The following UNC5C variants were observed in gnomAD, a reference collection of about 807,000 sequenced individuals.
The protein encoded by UNC5C is unc-5 netrin receptor C.
A neutral mutation model predicts 99.8 loss-of-function variants in UNC5C; 47 were observed. The observed-to-expected ratio is 0.47, with a 90% confidence interval of 0.37 to 0.60. The LOEUF is 0.60. UNC5C is among the 20% of genes least tolerant of loss of function. The probability of loss-of-function intolerance (pLI) is 0.00; values close to 1 mark genes in which losing one functional copy is unlikely to be tolerated. For synonymous variants in UNC5C, 487 were observed against 452.2 expected, an observed-to-expected ratio of 1.08 and a Z score of -0.98; for missense variants, 1,062 against 1,165.9, an observed-to-expected ratio of 0.91 and a Z score of 1.30.
intron 1 of UNC5C, among the ~76,000 whole-genome samples, chr4:95,479,447 T>G (rs565638452): frequency 2.0e-5 from 3 of 151,932 alleles, no homozygotes; most frequent in Non-Finnish European, 4.4e-5. Flanking sequence ...GCACCCAGGA[T>G]TGAGATCTTG....
At chr4:95,329,834 T>C (rs1413870102) in intron 2 of UNC5C, among the ~76,000 whole-genome samples, 3 of 152,154 alleles carry the variant, frequency 2.0e-5, no homozygotes, top group African/African-American at 7.2e-5. Context: ...GACTTATAGA[T>C]TGTGTGTCTT....
At chr4:95,346,598 T>G (rs2149426660) in intron 1 of UNC5C, among the ~76,000 whole-genome samples, 1 of 152,126 alleles carries the variant, frequency 6.6e-6, no homozygotes, top group South Asian at 2.1e-4. Flanking sequence ...CCCAGTGGGA[T>G]TTATCCCAGG....
intron 1 of UNC5C, among the ~76,000 whole-genome samples, chr4:95,513,078 G>A (rs758418762): frequency 9.2e-5 from 14 of 152,138 alleles, no homozygotes; most frequent in Admixed American, 4.6e-4. Context: ...TCTAGGTCTC[G>A]TCATGGTTGC....
chr4:95,218,832 T>G, intron 9 of UNC5C, 137 bp downstream of exon 9: 1 of 801,334 alleles, frequency 1.2e-6, no homozygotes, highest in African/African-American at 1.7e-5. Flanking sequence ...TCTGTTTACA[T>G]TGAAAGTAGA....
intron 4 of UNC5C, among the ~76,000 whole-genome samples, chr4:95,265,376 CCTT>C (rs1740405799): frequency 6.6e-6 from 1 of 152,104 alleles, no homozygotes; most frequent in South Asian, 2.1e-4. Flanking sequence ...CTCACATTGG[CCTT>C]CTCTCTATAA....
chr4:95,304,239 T>C (rs536390031), intron 2 of UNC5C, among the ~76,000 whole-genome samples: 124 of 152,344 alleles, frequency 8.1e-4, no homozygotes, highest in African/African-American at 2.6e-3. Context: ...CAAAATTATT[T>C]CAATGTTTTG....
At chr4:95,195,492 A>C (rs1737342563) in intron 12 of UNC5C, among the ~76,000 whole-genome samples, 2 of 152,206 alleles carry the variant, frequency 1.3e-5, no homozygotes, top group African/African-American at 2.4e-5. Context: ...GGGAACTATA[A>C]GAGTAGGTAT....
At chr4:95,354,746 G>T (rs1038533340) in intron 1 of UNC5C, among the ~76,000 whole-genome samples, 1 of 151,886 alleles carries the variant, frequency 6.6e-6, no homozygotes, top group African/African-American at 2.4e-5. Context: ...GCTTCCCAAA[G>T]TGCTGTCTGG....
chr4:95,461,798 G>A (rs929293758), intron 1 of UNC5C, among the ~76,000 whole-genome samples: 13 of 152,152 alleles, frequency 8.5e-5, no homozygotes, highest in Non-Finnish European at 1.0e-4. Flanking sequence ...GAGGTGATGC[G>A]TGGCGATGAT....
chr4:95,428,995 G>A (rs921361793), intron 1 of UNC5C, among the ~76,000 whole-genome samples: 1 of 151,932 alleles, frequency 6.6e-6, no homozygotes, highest in Non-Finnish European at 1.5e-5. Context: ...TCAGCTTCTT[G>A]TAAGGCTTCA....
intron 14 of UNC5C, among the ~76,000 whole-genome samples, chr4:95,176,957 T>A (rs1359694282): frequency 6.6e-6 from 1 of 152,196 alleles, no homozygotes; most frequent in African/African-American, 2.4e-5. Context: ...TGCCGTTTTT[T>A]AAGCCCGTGG....
intron 5 of UNC5C, chr4:95,248,560 C>T (rs747172195): frequency 2.2e-6 from 1 of 456,090 alleles, no homozygotes; most frequent in South Asian, 1.5e-5. Context: ...ATCTCCTCTC[C>T]TGCTTTTAAG....
intron 1 of UNC5C, among the ~76,000 whole-genome samples, chr4:95,340,804 A>G (rs924581160): frequency 9.9e-5 from 15 of 152,188 alleles, no homozygotes; most frequent in Admixed American, 8.5e-4. Context: ...ATGAACTCTG[A>G]CTTTTATTAA....
intron 1 of UNC5C, among the ~76,000 whole-genome samples, chr4:95,437,308 C>T (rs1746823827): frequency 6.6e-6 from 1 of 151,778 alleles, no homozygotes; most frequent in Admixed American, 6.6e-5. Flanking sequence ...CATTTCTATA[C>T]TATCATAGTT....
intron 1 of UNC5C, among the ~76,000 whole-genome samples, chr4:95,502,511 C>T (rs1055570673): frequency 1.3e-5 from 2 of 152,078 alleles, no homozygotes; most frequent in African/African-American, 2.4e-5. Flanking sequence ...GGCTTCAAGC[C>T]GGCCTCCAGC....
chr4:95,458,300 C>G (rs548727724), intron 1 of UNC5C, among the ~76,000 whole-genome samples: 1 of 151,970 alleles, frequency 6.6e-6, no homozygotes, highest in Non-Finnish European at 1.5e-5. Flanking sequence ...GAGATAAAAA[C>G]AGGGTTTGGA....
chr4:95,408,269 T>C (rs1180057664), intron 1 of UNC5C, among the ~76,000 whole-genome samples: 1 of 152,202 alleles, frequency 6.6e-6, no homozygotes, highest in Non-Finnish European at 1.5e-5. Flanking sequence ...TTTAAATGGC[T>C]GGAAGTATTT....
At chr4:95,207,701 T>C (rs1737931237) in intron 10 of UNC5C, among the ~76,000 whole-genome samples, 1 of 152,150 alleles carries the variant, frequency 6.6e-6, no homozygotes, top group Non-Finnish European at 1.5e-5. Context: ...CACAGAATTT[T>C]AGAAGGGCCC....
intron 10 of UNC5C, among the ~76,000 whole-genome samples, chr4:95,213,564 C>T (rs918850759): frequency 7.2e-5 from 11 of 152,236 alleles, no homozygotes; most frequent in Non-Finnish European, 1.2e-4. Flanking sequence ...TAAGACCCCT[C>T]TTGTCACATT....
Sources: allele counts gnomAD v4.1 joint callset (sites outside exome capture counted in the v4.1 genomes callset), GRCh38; gene constraint gnomAD v4.1.1; transcripts MANE v1.5; gene names NCBI Gene and HGNC (gene_info 2026-07-23, HGNC 2026-07-21).